Variants in CXCL10 observed in about 807,000 individuals in gnomAD.
CXCL10 encodes the protein C-X-C motif chemokine ligand 10.
In CXCL10, 6 loss-of-function variants were observed where a neutral mutation model predicts 10.8. The observed-to-expected ratio is 0.55, with a 90% CI of 0.30 to 1.09. The LOEUF (loss-of-function observed/expected upper bound fraction) is 1.09, where lower values mean the gene tolerates loss of function less well. Among genes scored for constraint, CXCL10 ranks in the 50% least tolerant of loss-of-function variants. The pLI is 0.06. For missense variants in CXCL10, 114 were observed against 114.3 expected (o/e 1.00, Z 0.01); for synonymous variants, 35 against 35.8 (o/e 0.98, Z 0.08).
rs528493936 is a variant in CXCL10, at chr4:76,021,939, T to A, written c.288A>T (p.Arg96Ser). ...TTGCTCCCCTCTGGTTTTAAGGAGA[T>A]CTTTTAGACCTGTAAGAAGAGAAAG... Reference protein sequence around the residue: ...LKAVSKERSKRSP With the variant: ...LKAVSKERSKSSP Residue 96 changes from arginine to serine, a missense_variant, in exon 4 of 4, where the codon AGA (arginine) becomes AGT (serine). Transcript: ENST00000306602. 3 of 1,611,680 alleles carry A rather than the reference T, an allele frequency of 1.9e-6. No individual in the cohort carries two copies. Among genetic ancestry groups the A allele is most frequent in the African/African-American group, 1.3e-5 (1 of 74,954 alleles).
intron 3 of CXCL10, 52 bp downstream of exon 3, chr4:76,022,314 A>G: frequency 1.4e-6 from 2 of 1,453,848 alleles, no homozygotes; most frequent in Admixed American, 1.7e-5. Context: ...TCTGACTCCC[A>G]AGATTGCCGT....
At chr4:76,023,049 A>T (rs1733018090) in intron 1 of CXCL10, among the ~76,000 whole-genome samples, 1 of 152,234 alleles carries the variant, frequency 6.6e-6, no homozygotes, top group South Asian at 2.1e-4. Flanking sequence ...AGCACAGTTC[A>T]TGTGGTTCAT....
chr4:76,021,389 TAAG>T lies in CXCL10; in HGVS notation c.*538_*540del, dbSNP rs749147003. On this transcript the variant is annotated 3_prime_UTR_variant, in exon 4 of 4. Transcript: ENST00000306602. ...CTACTTTGTACAGTCTTTCATTAAA[TAAG>T]AATACTTACACATACATTTTCAGAT... The T allele has an allele frequency of 6.5e-6, 1 of 153,182 alleles. No individual in the cohort carries two copies. Among genetic ancestry groups the T allele is most frequent in the Non-Finnish European group, 1.5e-5 (1 of 68,754 alleles). 9.5% of individuals were successfully genotyped at this position (153,182 alleles called of 1,614,324 possible). A position where few individuals can be genotyped will look rare whatever the true frequency, so the allele number is the denominator to read the frequency against.
intron 2 of CXCL10, 64 bp downstream of exon 2, chr4:76,022,627 T>C: frequency 1.3e-6 from 2 of 1,531,530 alleles, no homozygotes; most frequent in Non-Finnish European, 1.8e-6. Context: ...TTATTATCAT[T>C]ACATATTTAA....
intron 3 of CXCL10, 27 bp from the exon 4 acceptor site, chr4:76,021,975 A>T: frequency 6.3e-7 from 1 of 1,597,388 alleles, no homozygotes; most frequent in Non-Finnish European, 8.6e-7. Context: ...GGGATATAAA[A>T]GTGTGATAGT....
At chr4:76,022,027 A>G in intron 3 of CXCL10, 79 bp from the exon 4 acceptor site, 1 of 1,298,224 alleles carries the variant, frequency 7.7e-7, no homozygotes, top group East Asian at 2.3e-5. Flanking sequence ...GAAAGTACCG[A>G]GTTCATAGAA....
chr4:76,021,230 C>G lies in CXCL10; in HGVS notation c.*700G>C, dbSNP rs1732776140. ...TTTGAAAACCATTCAGCACATTTAT[C>G]TTATGTAACATGCAGAGCATATATC... On this transcript the variant is annotated 3_prime_UTR_variant, in exon 4 of 4. Coordinates refer to ENST00000306602, the MANE Select transcript of CXCL10 (RefSeq NM_001565.4). The G allele has an allele frequency of 6.6e-6, 1 of 152,180 alleles. No individual in the cohort carries two copies. The highest frequency in any genetic ancestry group is 2.4e-5 in the African/African-American group (1 of 41,448). 9.4% of individuals were successfully genotyped at this position (152,180 alleles called of 1,614,324 possible).
At chr4:76,022,532 G>A (rs1286232296) in intron 2 of CXCL10, 77 bp from the exon 3 acceptor site, 2 of 1,503,896 alleles carry the variant, frequency 1.3e-6, no homozygotes, top group African/African-American at 1.4e-5. Context: ...CAGTTCTGAA[G>A]TCAGACATTT....
chr4:76,021,845 A>G lies in CXCL10; in HGVS notation c.*85T>C, dbSNP rs1732847460. On this transcript the variant is annotated 3_prime_UTR_variant, in exon 4 of 4. Transcript: ENST00000306602. ...TAAGAACAATTATGGCTTGACATAT[A>G]CTCCATGTAGGGAAGTGATGGGAGA... 4 of 1,276,602 alleles carry G rather than the reference A, an allele frequency of 3.1e-6. No individual in the cohort carries two copies. The Admixed American group carries it at 6.8e-5, about 22-fold the overall frequency. The allele number at this position is 1,276,602 out of a possible 1,614,324, so 79.1% of individuals were successfully genotyped here.
chr4:76,022,051 T>C, intron 3 of CXCL10, 103 bp from the exon 4 acceptor site: 2 of 1,109,020 alleles, frequency 1.8e-6, no homozygotes, highest in Non-Finnish European at 2.8e-6. Context: ...ATAACTGAGC[T>C]TTCCTGCTGC....
At chr4:76,022,047 G>A in intron 3 of CXCL10, 99 bp from the exon 4 acceptor site, 3 of 1,131,940 alleles carry the variant, frequency 2.7e-6, no homozygotes, top group Non-Finnish European at 4.0e-6. Flanking sequence ...ATAGATAACT[G>A]AGCTTTCCTG....
chr4:76,021,764 G>A lies in CXCL10; in HGVS notation c.*166C>T. The A allele has an allele frequency of 1.4e-6, 1 of 708,128 alleles. No individual in the cohort carries two copies. The highest frequency in any genetic ancestry group is 1.7e-5 in the South Asian group (1 of 59,876). 43.9% of individuals were successfully genotyped at this position (708,128 alleles called of 1,614,324 possible). ...GATGAACATTAACCTTCCTACAGGA[G>A]TAGTAGCAGCTGATTTGGTGACCAT... On this transcript the variant is annotated 3_prime_UTR_variant, in exon 4 of 4. Coordinates refer to ENST00000306602, the MANE Select transcript of CXCL10 (RefSeq NM_001565.4).
Position 76,021,286 on chromosome 4 carries a change from C to G in CXCL10, c.*644G>C, listed in dbSNP as rs1301909762. On this transcript the variant is annotated 3_prime_UTR_variant, in exon 4 of 4. Transcript: ENST00000306602. ...GTATTTTTAAAATTTTCCTGTTACTCATTGATACATAGTACTTAATTACAT... is the reference window on the plus strand; with the variant it reads ...GTATTTTTAAAATTTTCCTGTTACTGATTGATACATAGTACTTAATTACAT... 2 of 152,104 alleles carry G rather than the reference C, an allele frequency of 1.3e-5. No individual in the cohort carries two copies. Among genetic ancestry groups the G allele is most frequent in the East Asian group, 3.8e-4 (2 of 5,198 alleles). 9.4% of individuals were successfully genotyped at this position (152,104 alleles called of 1,614,324 possible).
chr4:76,021,629 A>G lies in CXCL10; in HGVS notation c.*301T>C, dbSNP rs187517470. 248 of 355,414 alleles carry G rather than the reference A, an allele frequency of 7.0e-4. No individual in the cohort carries two copies. Among genetic ancestry groups the G allele is most frequent in the African/African-American group, 5.0e-3 (239 of 47,862 alleles). The allele number at this position is 355,414 out of a possible 1,614,324, so 22.0% of individuals were successfully genotyped here. On this transcript the variant is annotated 3_prime_UTR_variant, in exon 4 of 4. Transcript: ENST00000306602. ...CCTTAGTACCCTTGGAAGATGGGAA[A>G]GGTGAGGGAAATATTTGAAGCAGGG...
rs1365283101 is a variant in CXCL10 at position 76,021,665 on chromosome 4, C to T, written c.*265G>A. On this transcript the variant is annotated 3_prime_UTR_variant, in exon 4 of 4. Transcript: ENST00000306602. Reference sequence around the variant, plus strand: ...ATATTTGAAGCAGGGTCAGAACATCCACTAAGAACATAGCACCTCAGTAGA... The same window carrying T: ...ATATTTGAAGCAGGGTCAGAACATCTACTAAGAACATAGCACCTCAGTAGA... 2.4e-6 allele frequency: 1 copy of T among 420,330 alleles called. No homozygotes were observed. Among genetic ancestry groups the T allele is most frequent in the Non-Finnish European group, 4.2e-6 (1 of 236,058 alleles). 26.0% of individuals were successfully genotyped at this position (420,330 alleles called of 1,614,324 possible).
intron 3 of CXCL10, 29 bp downstream of exon 3, chr4:76,022,337 A>T (rs1384170346): frequency 6.3e-7 from 1 of 1,577,552 alleles, no homozygotes; most frequent in Non-Finnish European, 8.7e-7. Flanking sequence ...CCTAAAGAGC[A>T]ATTCTTCTGC....
chr4:76,022,012 G>A, intron 3 of CXCL10, 64 bp from the exon 4 acceptor site: 1 of 1,415,318 alleles, frequency 7.1e-7, no homozygotes, highest in Middle Eastern at 1.8e-4. Flanking sequence ...ATTGGGTTGT[G>A]TTTGGAAAGT....
At position 76,022,699 on chromosome 4, in the gene CXCL10, A is replaced by G. The variant is rs1204627210; in HGVS notation, c.180T>C (p.Val60=). ...IIPASQFCPR[V]EIIATMKKKG... Reference sequence around the variant, plus strand: ...GATGGGATTTCACTCACATGATCTCAACACGTGGACAAAATTGGCTTGCAG... The same window carrying G: ...GATGGGATTTCACTCACATGATCTCGACACGTGGACAAAATTGGCTTGCAG... The change falls in exon 2 of 4, where the codon GTT becomes GTC. Residue 60 remains valine (V), a synonymous_variant. Transcript: ENST00000306602. The G allele has an allele frequency of 6.2e-7, 1 of 1,613,394 alleles. No homozygotes were observed. The highest frequency in any genetic ancestry group is 8.5e-7 in the Non-Finnish European group (1 of 1,179,468).
Position 76,023,446 on chromosome 4 carries a change from A to C in CXCL10, c.-15T>G. 6.2e-7 allele frequency: 1 copy of C among 1,612,618 alleles called. No individual in the cohort carries two copies. Among genetic ancestry groups the C allele is most frequent in the Non-Finnish European group, 8.5e-7 (1 of 1,178,618 alleles). ...GTTTGATTCATGGTGCTGAGACTGG[A>C]GGTTCCTCTGCTGTAGGCTCAGAAT... is the stretch of plus-strand genomic sequence containing the variant. On this transcript the variant is annotated 5_prime_UTR_variant, in exon 1 of 4. Coordinates refer to ENST00000306602, the MANE Select transcript of CXCL10 (RefSeq NM_001565.4).
Sources: gnomAD v4.1 joint callset for allele counts (sites outside exome capture counted in the v4.1 genomes callset) on GRCh38, gnomAD v4.1.1 for gene constraint, MANE v1.5 for transcripts, NCBI Gene and HGNC (gene_info 2026-07-23, HGNC 2026-07-21) for gene names.